Variants in PRNP observed in about 807,000 individuals in gnomAD.
PRNP encodes major prion protein.
In PRNP, 15 loss-of-function variants were observed where a neutral mutation model predicts 21.3. The ratio of observed to expected loss-of-function variants is 0.71; its 90% CI spans 0.47 to 1.09. The LOEUF (loss-of-function observed/expected upper bound fraction) is 1.09, where lower values mean the gene tolerates loss of function less well. Ranked by LOEUF, PRNP falls within the 50% of genes least tolerant of loss-of-function variation. The pLI is 0.00. For synonymous variants in PRNP, 121 were observed against 123.1 expected (o/e 0.98, Z 0.11); for missense variants, 285 against 340.9 (o/e 0.84, Z 1.29).
intron 1 of PRNP, among the ~76,000 whole-genome samples, chr20:4,690,923 A>G (rs1921786792): frequency 2.0e-5 from 3 of 152,212 alleles, no homozygotes; most frequent in Admixed American, 2.0e-4. Context: ...ATAAAACCCT[A>G]AAGACTCCAC....
intron 1 of PRNP, among the ~76,000 whole-genome samples, chr20:4,690,201 A>G (rs1373862878): frequency 5.3e-5 from 8 of 152,190 alleles, no homozygotes; most frequent in Non-Finnish European, 1.5e-5. Context: ...AAATTAAAAT[A>G]TAACAAGGGA....
chr20:4,698,103 G>A (rs928386826), intron 1 of PRNP, among the ~76,000 whole-genome samples: 4 of 152,090 alleles, frequency 2.6e-5, no homozygotes, highest in African/African-American at 4.8e-5. Context: ...TGGGCCTCAC[G>A]AGATTGTGGG....
At chr20:4,696,826 CCT>C (rs1225311241) in intron 1 of PRNP, among the ~76,000 whole-genome samples, 5 of 152,196 alleles carry the variant, frequency 3.3e-5, no homozygotes, top group East Asian at 1.9e-4. Flanking sequence ...ATGCCAGTGT[CCT>C]CTCTCACCAC....
At chr20:4,687,175 AG>A (rs34701827) in intron 1 of PRNP, among the ~76,000 whole-genome samples, 1 of 151,596 alleles carries the variant, frequency 6.6e-6, no homozygotes, top group Non-Finnish European at 1.5e-5. Context: ...AGCTTCTCCG[AG>A]GGGGGCTGCA....
chr20:4,695,893 G>A (rs1922136922), intron 1 of PRNP, among the ~76,000 whole-genome samples: 1 of 152,150 alleles, frequency 6.6e-6, no homozygotes, highest in Admixed American at 6.5e-5. Flanking sequence ...CCAGAAGCAT[G>A]AAACCTTCCT....
chr20:4,688,545 G>GAAAC (rs1032210825), intron 1 of PRNP, among the ~76,000 whole-genome samples: 1 of 152,158 alleles, frequency 6.6e-6, no homozygotes, highest in Non-Finnish European at 1.5e-5. Flanking sequence ...TGCAATGGAA[G>GAAAC]AAACAAACAA....
intron 1 of PRNP, among the ~76,000 whole-genome samples, chr20:4,687,777 C>T (rs1454460112): frequency 6.6e-6 from 1 of 152,170 alleles, no homozygotes; most frequent in Non-Finnish European, 1.5e-5. Context: ...GTTTAATTAG[C>T]AGTTCCCCAT....
intron 1 of PRNP, among the ~76,000 whole-genome samples, chr20:4,696,100 C>CT (rs1322378224): frequency 5.9e-5 from 9 of 151,460 alleles, no homozygotes; most frequent in East Asian, 1.9e-4. Flanking sequence ...CCTCTTTACA[C>CT]TTTTTTTTTA....
At position 4,699,449 on chromosome 20, in the gene PRNP, C is replaced by T; in HGVS notation, c.229C>T (p.His77Tyr). The T allele has an allele frequency of 6.4e-7, 1 of 1,569,992 alleles. No individual in the cohort carries two copies. ...TCATGGTGGTGGCTGGGGGCAGCCC[C>T]ATGGTGGTGGCTGGGGACAGCCTCA... ...QPHGGGWGQP[H>Y]GGGWGQPHGG... The change falls in exon 2 of 2, where the codon CAT (histidine) becomes TAT (tyrosine). Residue 77 changes from histidine (H) to tyrosine (Y), a missense_variant. By Grantham distance (83) the His-to-Tyr change is moderately conservative (BLOSUM62 2). Coordinates refer to ENST00000379440, the MANE Select transcript of PRNP (RefSeq NM_000311.5). This position sits in a 1 kb window ranked among gnomAD's most constrained non-coding sequence, Gnocchi z 5.8.
chr20:4,693,661 A>G (rs1328818676), intron 1 of PRNP, among the ~76,000 whole-genome samples: 1 of 152,042 alleles, frequency 6.6e-6, no homozygotes, highest in Non-Finnish European at 1.5e-5. Flanking sequence ...TTTGGTCCTT[A>G]AGCCCACCAA....
At position 4,686,688 on chromosome 20, in the gene PRNP, G is replaced by C. The variant is rs6052766; in HGVS notation, c.-11+176G>C. 0.18 allele frequency: 27,628 copies of C among 152,176 alleles called. 3,493 individuals are homozygous for C. Among genetic ancestry groups the C allele is most frequent in the African/African-American group, 0.36 (14,810 of 41,486 alleles). The allele number at this position is 152,176 out of a possible 1,614,324, so 9.4% of individuals were successfully genotyped here. ...CGCGTGACGCGTCTCGGGCCTGCCC[G>C]GCTGCGCTGGTCTCCGCTCGGGTGA... On this transcript the variant is annotated intron_variant, in intron 1 of 1. Transcript: ENST00000379440. This position sits in a 1 kb window ranked among gnomAD's most constrained non-coding sequence, Gnocchi z 6.7.
intron 1 of PRNP, among the ~76,000 whole-genome samples, chr20:4,691,053 TG>T (rs1361373765): frequency 6.6e-6 from 1 of 152,170 alleles, no homozygotes; most frequent in African/African-American, 2.4e-5. Flanking sequence ...AAAAAGAAAG[TG>T]CCATTTACAA....
rs754696409 is a variant in PRNP, at chr20:4,700,064, G to A, written c.*82G>A. ...GTATCCACCTGCAGCCCTTTTAGTG[G>A]TGGTGTCTCACTCTTTCTTCTCTCT... On this transcript the variant is annotated 3_prime_UTR_variant, in exon 2 of 2. Coordinates refer to ENST00000379440, the MANE Select transcript of PRNP (RefSeq NM_000311.5). This position sits in a 1 kb window ranked among gnomAD's most constrained non-coding sequence, Gnocchi z 4.1. 1 of 1,551,568 alleles carries A rather than the reference G, an allele frequency of 6.4e-7. No individual in the cohort carries two copies. The highest frequency in any genetic ancestry group is 8.7e-7 in the Non-Finnish European group (1 of 1,147,336).
intron 1 of PRNP, among the ~76,000 whole-genome samples, chr20:4,688,212 C>T (rs1362233533): frequency 1.3e-5 from 2 of 152,020 alleles, no homozygotes; most frequent in Non-Finnish European, 2.9e-5. Flanking sequence ...ATTAAAATAA[C>T]CAAAATAATT....
At chr20:4,692,269 A>G (rs1412014755) in intron 1 of PRNP, among the ~76,000 whole-genome samples, 1 of 152,200 alleles carries the variant, frequency 6.6e-6, no homozygotes, top group African/African-American at 2.4e-5. Flanking sequence ...GATATTTTCA[A>G]TTCTTACTGC....
At chr20:4,693,243 G>A (rs1165956754) in intron 1 of PRNP, among the ~76,000 whole-genome samples, 1 of 152,124 alleles carries the variant, frequency 6.6e-6, no homozygotes, top group Non-Finnish European at 1.5e-5. Context: ...TAGCTGCATG[G>A]ACTCCATCCC....
Position 4,690,286 on chromosome 20 carries a change from G to A in PRNP, c.-11+3774G>A, listed in dbSNP as rs144400871. 1.3e-3 allele frequency among the ~76,000 whole-genome samples: 201 copies of A among 152,232 alleles called. 4 individuals are homozygous for A. Among genetic ancestry groups the A allele is most frequent in the African/African-American group, 4.7e-3 (197 of 41,534 alleles). On this transcript the variant is annotated intron_variant, in intron 1 of 1. Transcript: ENST00000379440. ...GGTTGTTTGACATTTGCCCCTTCCC[G>A]ATGTAACTAATTAAGCTTCAAGTTG...
In PRNP at chr20:4,700,191, A is replaced by G; in HGVS notation, c.*209A>G. The G allele has an allele frequency of 1.4e-6, 2 of 1,478,042 alleles. No homozygotes were observed. Among genetic ancestry groups the G allele is most frequent in the Non-Finnish European group, 1.8e-6 (2 of 1,084,324 alleles). The allele number at this position is 1,478,042 out of a possible 1,614,324, so 91.6% of individuals were successfully genotyped here. A position where few individuals can be genotyped will look rare whatever the true frequency, so the allele number is the denominator to read the frequency against. On this transcript the variant is annotated 3_prime_UTR_variant, in exon 2 of 2. Transcript: ENST00000379440. The surrounding 1 kb of genome is among the most constrained non-coding windows in gnomAD (Gnocchi z 4.1). ...CAAGCCCCCTTTGATTGAGTTCATC[A>G]TGAGCCGTTGCTAATGCCAGGCCAG...
intron 1 of PRNP, among the ~76,000 whole-genome samples, chr20:4,690,609 G>A (rs1232216728): frequency 6.6e-6 from 1 of 152,042 alleles, no homozygotes; most frequent in Admixed American, 6.6e-5. Flanking sequence ...ATTTTCTTCA[G>A]TCTTTTAAGT....
Sources: gnomAD v4.1 joint callset for allele counts (sites outside exome capture counted in the v4.1 genomes callset) on GRCh38, gnomAD v4.1.1 for gene constraint, Gnocchi (gnomAD v3.1) non-coding constraint, MANE v1.5 for transcripts, NCBI Gene and HGNC (gene_info 2026-07-23, HGNC 2026-07-21) for gene names.